Variants in ANO4 observed in about 807,000 individuals in gnomAD.
ANO4 encodes the protein anoctamin 4.
In ANO4, 69 loss-of-function variants were observed where a neutral mutation model predicts 141.9. That is an observed-to-expected ratio of 0.49 (90% CI 0.40 to 0.59). The LOEUF is 0.59. ANO4 is among the 20% of genes least tolerant of loss of function. ANO4 has a pLI of 0.00. For synonymous variants in ANO4, 350 were observed against 394.3 expected (o/e 0.89, Z 1.33); for missense variants, 894 against 1,162.2 (o/e 0.77, Z 3.36).
chr12:100,975,598 G>A (rs571866353), intron 7 of ANO4, among the ~76,000 whole-genome samples: 17 of 151,542 alleles, frequency 1.1e-4, no homozygotes, highest in East Asian at 5.9e-4. Context: ...CTACCACCAC[G>A]CCCAGCTAAT....
chr12:100,993,221 A>C (rs1159964463), intron 8 of ANO4, among the ~76,000 whole-genome samples: 1 of 152,210 alleles, frequency 6.6e-6, no homozygotes, highest in Non-Finnish European at 1.5e-5. Context: ...CAAACAGCCT[A>C]GCATTCCATT....
Position 100,925,501 on chromosome 12 carries a change from G to T in ANO4, c.160+3171G>T, listed in dbSNP as rs919719157. Among the ~76,000 whole-genome samples the T allele has an allele frequency of 3.3e-5, 5 of 151,544 alleles. 1 individual carries two copies. In the South Asian group the frequency reaches 1.0e-3, roughly 32 times the overall value. On this transcript the variant is annotated intron_variant, in intron 3 of 27. Transcript: ENST00000392977. ...TGTCATCCATGTCCTGTCGGGGGGTGGGGGGCTAGAGGAGGGATAGCATTA... is the reference window on the plus strand; with the variant it reads ...TGTCATCCATGTCCTGTCGGGGGGTTGGGGGCTAGAGGAGGGATAGCATTA...
intron 1 of ANO4, among the ~76,000 whole-genome samples, chr12:100,849,002 T>C (rs1034762398): frequency 1.3e-5 from 2 of 152,248 alleles, no homozygotes; most frequent in Non-Finnish European, 2.9e-5. Flanking sequence ...TATGAGCTCC[T>C]TTAAATAAGA....
intron 1 of ANO4, among the ~76,000 whole-genome samples, chr12:100,869,599 C>T (rs1445982996): frequency 1.3e-5 from 2 of 152,294 alleles, no homozygotes; most frequent in East Asian, 1.9e-4. Flanking sequence ...TGCAGCTCTG[C>T]AACTTTTGTT....
At chr12:101,094,831 T>TA (rs142336019) in intron 18 of ANO4, among the ~76,000 whole-genome samples, 5,268 of 150,988 alleles carry the variant, frequency 0.035, 329 homozygotes, top group African/African-American at 0.12. Context: ...ACAAAAAAAT[T>TA]AAAAAATTAG....
At chr12:101,083,944 G>A in intron 16 of ANO4, 126 bp downstream of exon 16, 3 of 912,562 alleles carry the variant, frequency 3.3e-6, no homozygotes, top group Non-Finnish European at 4.7e-6. Flanking sequence ...ATTCCTCACA[G>A]TAACTTCGTC....
At chr12:101,090,273 A>G (rs1416858198) in intron 17 of ANO4, among the ~76,000 whole-genome samples, 1 of 152,244 alleles carries the variant, frequency 6.6e-6, no homozygotes, top group African/African-American at 2.4e-5. Context: ...ATTATAAATC[A>G]TGCTGCTATA....
intron 14 of ANO4, among the ~76,000 whole-genome samples, chr12:101,048,957 G>C (rs1307910438): frequency 6.6e-6 from 1 of 152,178 alleles, no homozygotes; most frequent in Non-Finnish European, 1.5e-5. Flanking sequence ...ACACTAGGCT[G>C]TGTGATTTTT....
chr12:101,069,583 A>G (rs1221138264), intron 14 of ANO4, among the ~76,000 whole-genome samples: 3 of 152,308 alleles, frequency 2.0e-5, no homozygotes, highest in African/African-American at 4.8e-5. Context: ...CTACAAACCC[A>G]TGAATGTCAG....
chr12:100,857,477 A>G (rs2135875606), intron 1 of ANO4, among the ~76,000 whole-genome samples: 1 of 152,262 alleles, frequency 6.6e-6, no homozygotes, highest in East Asian at 1.9e-4. Flanking sequence ...CAAGGAAACA[A>G]AGGCACAGAG....
At chr12:101,029,419 G>C (rs528156881) in intron 9 of ANO4, among the ~76,000 whole-genome samples, 1 of 152,214 alleles carries the variant, frequency 6.6e-6, no homozygotes, top group East Asian at 1.9e-4. Flanking sequence ...TTGGTGTGCT[G>C]TATTCAGGAG....
chr12:100,862,345 C>T (rs1445569949), intron 1 of ANO4, among the ~76,000 whole-genome samples: 3 of 152,022 alleles, frequency 2.0e-5, no homozygotes, highest in Admixed American at 6.6e-5. Flanking sequence ...TTATTTGAGA[C>T]GGATTTTGCT....
intron 1 of ANO4, among the ~76,000 whole-genome samples, chr12:100,842,405 A>ATG (rs1207138137): frequency 2.1e-5 from 3 of 144,948 alleles, no homozygotes; most frequent in African/African-American, 7.7e-5. Context: ...AAGTGTGTGT[A>ATG]TGTGTATGTG....
At chr12:100,861,398 T>C (rs2373385) in intron 1 of ANO4, among the ~76,000 whole-genome samples, 1 of 152,106 alleles carries the variant, frequency 6.6e-6, no homozygotes, top group Admixed American at 6.6e-5. Context: ...TACTGAATAG[T>C]GTAGGCAATT....
At chr12:100,730,019 AT>A (rs1249894458) in intron 1 of ANO4, among the ~76,000 whole-genome samples, 4 of 151,856 alleles carry the variant, frequency 2.6e-5, no homozygotes, top group African/African-American at 9.7e-5. Context: ...ATTCATAGTC[AT>A]TTCTGTGCTT....
At chr12:100,817,063 A>G (rs546998678) in intron 1 of ANO4, among the ~76,000 whole-genome samples, 14 of 151,960 alleles carry the variant, frequency 9.2e-5, no homozygotes, top group Non-Finnish European at 1.9e-4. Flanking sequence ...TGAAATACCA[A>G]TTTGCCTTTG....
chr12:100,971,973 T>C (rs2043955329), intron 6 of ANO4, among the ~76,000 whole-genome samples: 1 of 152,248 alleles, frequency 6.6e-6, no homozygotes, highest in Non-Finnish European at 1.5e-5. Flanking sequence ...TCCTTAGTTA[T>C]TTAAAAGGAT....
chr12:100,921,072 G>C (rs2041608601), intron 2 of ANO4, among the ~76,000 whole-genome samples: 2 of 152,024 alleles, frequency 1.3e-5, no homozygotes, highest in South Asian at 4.2e-4. Flanking sequence ...TTTGCTCTTA[G>C]CTCTGTTGTT....
chr12:100,807,143 A>G (rs748347756), intron 1 of ANO4, among the ~76,000 whole-genome samples: 11 of 152,090 alleles, frequency 7.2e-5, no homozygotes, highest in Non-Finnish European at 1.6e-4. Context: ...ATTCCATTTT[A>G]TTTTCCCCCA....
Sources: allele counts gnomAD v4.1 joint callset (sites outside exome capture counted in the v4.1 genomes callset), GRCh38; gene constraint gnomAD v4.1.1; transcripts MANE v1.5; gene names NCBI Gene and HGNC (gene_info 2026-07-23, HGNC 2026-07-21).